MTMR7: variants seen among roughly 807,000 people sequenced by gnomAD.
MTMR7 encodes phosphatidylinositol-3-phosphate phosphatase MTMR7.
MTMR7 carries 76 observed loss-of-function variants against 81.2 expected under a neutral mutation model. The observed-to-expected ratio is 0.94, with a 90% confidence interval of 0.78 to 1.13. MTMR7 has a LOEUF of 1.13. Among genes scored for constraint, MTMR7 ranks in the 50% most tolerant of loss-of-function variants. The pLI, the probability that MTMR7 is intolerant of heterozygous loss-of-function variation, is 0.00. For missense variants in MTMR7, 1,044 were observed against 820.0 expected (o/e 1.27, Z -3.34); for synonymous variants, 372 against 289.8 (o/e 1.28, Z -2.88).
At chr8:17,379,212 G>T (rs746793235) in intron 1 of MTMR7, among the ~76,000 whole-genome samples, 12 of 152,162 alleles carry the variant, frequency 7.9e-5, no homozygotes, top group Non-Finnish European at 7.4e-5. Flanking sequence ...AGCAGGAGGG[G>T]TCCTGGAAGC....
intron 1 of MTMR7, among the ~76,000 whole-genome samples, chr8:17,406,619 CA>C (rs139486843): frequency 0.046 from 7,054 of 152,172 alleles, 525 homozygotes; most frequent in African/African-American, 0.16. Context: ...TACGATTCAC[CA>C]AATTCTGTTC....
Position 17,300,083 on chromosome 8 carries a change from AT to A in MTMR7, c.1761del (p.Lys587AsnfsTer17). 6.2e-7 allele frequency: 1 copy of A among 1,614,074 alleles called. No homozygotes were observed. The highest frequency in any genetic ancestry group is 1.7e-5 in the Admixed American group (1 of 60,008). On this transcript the variant is annotated frameshift_variant, in exon 14 of 14. Coordinates refer to ENST00000180173, the MANE Select transcript of MTMR7 (RefSeq NM_004686.5). LOFTEE classifies it high-confidence loss of function. Reference protein sequence around the residue: ...NTPQDYSGNMKSFPSRSPSQG... With the variant: ...NTPQDYSGNMXSFPSRSPSQG... ...TGTGAAGGGCTCCGGGATGGAAATG[AT>A]TTCATATTCCCACTGTAATCCTGGG... is the stretch of plus-strand genomic sequence containing the variant.
chr8:17,362,110 C>G (rs1585090787), intron 3 of MTMR7, among the ~76,000 whole-genome samples: 1 of 151,948 alleles, frequency 6.6e-6, no homozygotes, highest in Non-Finnish European at 1.5e-5. Context: ...ATAATGTGAG[C>G]TATGTATGTC....
chr8:17,336,962 CTG>C (rs1819260199), intron 6 of MTMR7, among the ~76,000 whole-genome samples: 1 of 152,202 alleles, frequency 6.6e-6, no homozygotes, highest in African/African-American at 2.4e-5. Flanking sequence ...GGAATGTAAA[CTG>C]TGAGACCCTG....
At chr8:17,361,360 G>C (rs1820055219) in intron 3 of MTMR7, 86 bp from the exon 4 acceptor site, 3 of 1,508,738 alleles carry the variant, frequency 2.0e-6, no homozygotes, top group South Asian at 2.4e-5. Context: ...CCCACCTGGA[G>C]TGCCCAGAGA....
rs537431144 is a variant in MTMR7, at chr8:17,298,154, G to C, written c.*1708C>G. ...AAGAGTGGACAGCTCCAAGAAGGTT[G>C]TGAAGTGAGTTATGTTATGTTATAA... On this transcript the variant is annotated 3_prime_UTR_variant, in exon 14 of 14. Coordinates refer to ENST00000180173, the MANE Select transcript of MTMR7 (RefSeq NM_004686.5). The C allele has an allele frequency of 6.6e-6, 1 of 152,154 alleles. No individual in the cohort carries two copies. Among genetic ancestry groups the C allele is most frequent in the African/African-American group, 2.4e-5 (1 of 41,566 alleles). The allele number at this position is 152,154 out of a possible 1,614,324, so 9.4% of individuals were successfully genotyped here.
At position 17,299,229 on chromosome 8, in the gene MTMR7, G is replaced by C. The variant is rs1161497825; in HGVS notation, c.*633C>G. On this transcript the variant is annotated 3_prime_UTR_variant, in exon 14 of 14. Transcript: ENST00000180173. Reference sequence around the variant, plus strand: ...GTTTAGCATTTTTAAATAATGAGGAGAAACAGACTATAGATCTCAGAGAAA... The same window carrying C: ...GTTTAGCATTTTTAAATAATGAGGACAAACAGACTATAGATCTCAGAGAAA... The C allele has an allele frequency of 1.3e-5, 2 of 152,162 alleles. No individual in the cohort carries two copies. The highest frequency in any genetic ancestry group is 4.8e-5 in the African/African-American group (2 of 41,442). 9.4% of individuals were successfully genotyped at this position (152,162 alleles called of 1,614,324 possible).
intron 5 of MTMR7, 28 bp downstream of exon 5, chr8:17,348,925 T>C (rs946946471): frequency 3.7e-6 from 6 of 1,612,986 alleles, no homozygotes; most frequent in Non-Finnish European, 5.1e-6. Context: ...AAGCAAAGTG[T>C]AAAACAAAAA....
intron 13 of MTMR7, 51 bp downstream of exon 13, chr8:17,302,103 T>C: frequency 6.2e-7 from 1 of 1,609,642 alleles, no homozygotes. Context: ...GAAGCCTTGC[T>C]CTTCAAGAAA....
chr8:17,311,704 G>C, intron 8 of MTMR7, 68 bp from the exon 9 acceptor site: 1 of 1,606,372 alleles, frequency 6.2e-7, no homozygotes, highest in Non-Finnish European at 8.5e-7. Flanking sequence ...TCTCATCACA[G>C]CCAGGTTTGA....
At chr8:17,302,020 G>A (rs1236347610) in intron 13 of MTMR7, 134 bp downstream of exon 13, 4 of 1,154,606 alleles carry the variant, frequency 3.5e-6, no homozygotes, top group Non-Finnish European at 3.7e-6. Flanking sequence ...CCTGGATGGG[G>A]TTGTGTTTCA....
chr8:17,377,374 T>A (rs1045605499), intron 1 of MTMR7, among the ~76,000 whole-genome samples: 2 of 152,082 alleles, frequency 1.3e-5, no homozygotes, highest in Non-Finnish European at 2.9e-5. Flanking sequence ...TTCTTATCTG[T>A]GGGTAAACCC....
chr8:17,331,039 C>T, intron 7 of MTMR7, 111 bp downstream of exon 7: 1 of 1,296,830 alleles, frequency 7.7e-7, no homozygotes, highest in Non-Finnish European at 1.1e-6. Flanking sequence ...GATATTCTTC[C>T]CAAATTATCA....
intron 1 of MTMR7, among the ~76,000 whole-genome samples, chr8:17,387,432 C>A (rs1005682972): frequency 6.6e-6 from 1 of 152,148 alleles, no homozygotes; most frequent in Non-Finnish European, 1.5e-5. Flanking sequence ...GAAAAATTCA[C>A]CCCAGTAATC....
At chr8:17,393,318 T>C (rs559281019) in intron 1 of MTMR7, among the ~76,000 whole-genome samples, 9 of 152,268 alleles carry the variant, frequency 5.9e-5, no homozygotes, top group Admixed American at 2.0e-4. Flanking sequence ...CTCTGTGACC[T>C]TGGATTAGGT....
intron 1 of MTMR7, among the ~76,000 whole-genome samples, chr8:17,407,479 T>C (rs73553304): frequency 0.042 from 6,329 of 152,174 alleles, 448 homozygotes; most frequent in African/African-American, 0.14. Context: ...AGTAATTCCA[T>C]CTAGGGTTCT....
chr8:17,335,568 G>A (rs972713573), intron 6 of MTMR7, among the ~76,000 whole-genome samples: 7 of 152,326 alleles, frequency 4.6e-5, no homozygotes, highest in African/African-American at 4.8e-5. Context: ...GGAAATGACC[G>A]TACAAGCTGA....
intron 6 of MTMR7, among the ~76,000 whole-genome samples, chr8:17,338,385 AGT>A: frequency 1.3e-5 from 2 of 152,326 alleles, no homozygotes; most frequent in East Asian, 3.9e-4. Context: ...TCCTAAAATT[AGT>A]AGGTGAATCT....
intron 4 of MTMR7, among the ~76,000 whole-genome samples, chr8:17,354,210 T>C (rs1309466166): frequency 6.6e-6 from 1 of 152,166 alleles, no homozygotes; most frequent in African/African-American, 2.4e-5. Context: ...GAATTTATGA[T>C]GAACAGGGAG....
Sources: gnomAD v4.1 joint callset for allele counts (sites outside exome capture counted in the v4.1 genomes callset) on GRCh38, gnomAD v4.1.1 for gene constraint, MANE v1.5 for transcripts, NCBI Gene and HGNC (gene_info 2026-07-23, HGNC 2026-07-21) for gene names.